GRK5: variants seen among roughly 807,000 people sequenced by gnomAD.
GRK5 encodes the protein g protein-coupled receptor kinase GRK5.
Under a neutral mutation model 78.4 loss-of-function variants are expected in GRK5, and 40 were observed. The ratio of observed to expected loss-of-function variants is 0.51; its 90% CI spans 0.40 to 0.66. GRK5 has a LOEUF of 0.66. GRK5 is among the 30% of genes least tolerant of loss of function. The probability of loss-of-function intolerance (pLI) is 0.00; values close to 1 mark genes in which losing one functional copy is unlikely to be tolerated. For missense variants in GRK5, 598 were observed against 759.9 expected (o/e 0.79, Z 2.50); for synonymous variants, 289 against 296.8 (o/e 0.97, Z 0.27).
chr10:119,399,713 C>G (rs1852116511), intron 4 of GRK5, among the ~76,000 whole-genome samples: 1 of 152,186 alleles, frequency 6.6e-6, no homozygotes, highest in South Asian at 2.1e-4. Flanking sequence ...TAACTGTTAC[C>G]AAAGCATTTC....
intron 9 of GRK5, among the ~76,000 whole-genome samples, chr10:119,439,048 G>A (rs1589811094): frequency 6.6e-6 from 1 of 152,324 alleles, no homozygotes; most frequent in East Asian, 1.9e-4. Context: ...TCTCCTCTTG[G>A]CTGTTCTTTT....
At chr10:119,385,580 CGGT>C (rs1485936153) in intron 3 of GRK5, among the ~76,000 whole-genome samples, 1 of 152,060 alleles carries the variant, frequency 6.6e-6, no homozygotes, top group East Asian at 1.9e-4. Flanking sequence ...TAGCCCCTGG[CGGT>C]GGTGAGAAGT....
chr10:119,435,685 C>T (rs1436433409), intron 8 of GRK5, among the ~76,000 whole-genome samples: 1 of 152,234 alleles, frequency 6.6e-6, no homozygotes, highest in Admixed American at 6.5e-5. Context: ...ATTTTCCTAT[C>T]TTCTGAGCCC....
In GRK5 at chr10:119,395,665, G is replaced by A. The variant is rs530472754; in HGVS notation, c.262-1030G>A. Among the ~76,000 whole-genome samples, 24 of 152,308 alleles carry A rather than the reference G, an allele frequency of 1.6e-4. 1 individual carries two copies. The highest frequency in any genetic ancestry group is 2.4e-4 in the African/African-American group (10 of 41,564). On this transcript the variant is annotated intron_variant, in intron 3 of 15. Coordinates refer to ENST00000392870, the MANE Select transcript of GRK5 (RefSeq NM_005308.3). ...GGCCCTTTATCCATGTGGCGAGTGCGTCAGATGTGAGCGAAGGAGCCCCTC... is the reference window on the plus strand; with the variant it reads ...GGCCCTTTATCCATGTGGCGAGTGCATCAGATGTGAGCGAAGGAGCCCCTC...
In GRK5 at chr10:119,380,898, G is replaced by GGC; in HGVS notation, c.232_233insGC (p.Glu78GlyfsTer30). Reference sequence around the variant, plus strand: ...GTTTTGTGAAACCAGGCCTGGGCTGGAGTGTTACATTCAGTTCCTGGACTC... The same window carrying GGC: ...GTTTTGTGAAACCAGGCCTGGGCTGGGCAGTGTTACATTCAGTTCCTGGACTC... On this transcript the variant is annotated frameshift_variant, in exon 3 of 16. Coordinates refer to ENST00000392870, the MANE Select transcript of GRK5 (RefSeq NM_005308.3). LOFTEE classifies it high-confidence loss of function. The GGC allele has an allele frequency of 6.2e-7, 1 of 1,613,108 alleles. No individual in the cohort carries two copies. Among genetic ancestry groups the GGC allele is most frequent in the South Asian group, 1.1e-5 (1 of 91,048 alleles).
At chr10:119,260,840 A>T (rs1849370860) in intron 1 of GRK5, among the ~76,000 whole-genome samples, 1 of 151,820 alleles carries the variant, frequency 6.6e-6, no homozygotes, top group African/African-American at 2.4e-5. Flanking sequence ...CCGATTTCTC[A>T]ATCTTTTCCC....
At chr10:119,285,605 T>C (rs924590049) in intron 1 of GRK5, among the ~76,000 whole-genome samples, 1 of 152,196 alleles carries the variant, frequency 6.6e-6, no homozygotes, top group Non-Finnish European at 1.5e-5. Context: ...ATGGTTGCTG[T>C]GTGAACCATC....
intron 2 of GRK5, among the ~76,000 whole-genome samples, chr10:119,373,207 GAAAAGCACTGCTTTAA>G (rs1258081670): frequency 1.3e-4 from 20 of 152,318 alleles, no homozygotes; most frequent in African/African-American, 4.3e-4. Flanking sequence ...TAGATAGCTG[GAAAAGCACTGCTTTAA>G]ACTGGAGAGT....
intron 1 of GRK5, among the ~76,000 whole-genome samples, chr10:119,323,111 G>A (rs1850613658): frequency 6.6e-6 from 1 of 152,198 alleles, no homozygotes; most frequent in African/African-American, 2.4e-5. Flanking sequence ...TCACAGACAT[G>A]GAGTGTAGGA....
intron 1 of GRK5, among the ~76,000 whole-genome samples, chr10:119,256,092 G>C (rs1213698589): frequency 1.3e-5 from 2 of 152,046 alleles, no homozygotes; most frequent in African/African-American, 4.8e-5. Context: ...AGAAGACACC[G>C]AGACTTGGTA....
chr10:119,419,708 C>T (rs945624559), intron 4 of GRK5, among the ~76,000 whole-genome samples: 1 of 152,240 alleles, frequency 6.6e-6, no homozygotes, highest in Non-Finnish European at 1.5e-5. Context: ...GGACAATCCC[C>T]TTCTCCCATC....
chr10:119,443,935 G>A (rs948062290), intron 12 of GRK5, among the ~76,000 whole-genome samples, 183 bp downstream of exon 12: 21 of 152,094 alleles, frequency 1.4e-4, no homozygotes, highest in African/African-American at 4.8e-4. Context: ...GGTGGTCAGC[G>A]GAGACTTCCA....
chr10:119,429,300 T>C (rs571210663), intron 6 of GRK5, among the ~76,000 whole-genome samples: 137 of 152,118 alleles, frequency 9.0e-4, no homozygotes, highest in African/African-American at 3.0e-3. Flanking sequence ...ACTCATTCGT[T>C]CAAGAGCTGC....
chr10:119,381,207 G>A (rs1366497954), intron 3 of GRK5, among the ~76,000 whole-genome samples: 1 of 152,230 alleles, frequency 6.6e-6, no homozygotes, highest in South Asian at 2.1e-4. Context: ...GGAAGCCTGG[G>A]TTATTATGGG....
rs1324149732 is a variant in GRK5, at chr10:119,394,429, C to T, written c.262-2266C>T. On this transcript the variant is annotated intron_variant, in intron 3 of 15. Coordinates refer to ENST00000392870, the MANE Select transcript of GRK5 (RefSeq NM_005308.3). ...GCATGTGTGTGGGGGTGTGTGGGTA[C>T]GTGTATGGGTGTGTGTATCTGCTTA... 6.4e-4 allele frequency among the ~76,000 whole-genome samples: 7 copies of T among 10,980 alleles called. 1 individual carries two copies. Among genetic ancestry groups the T allele is most frequent in the Admixed American group, 9.4e-4 (1 of 1,066 alleles). 7.2% of individuals were successfully genotyped at this position (10,980 alleles called of 152,430 possible).
chr10:119,358,932 C>T (rs1851311728), intron 2 of GRK5, among the ~76,000 whole-genome samples: 1 of 152,172 alleles, frequency 6.6e-6, no homozygotes, highest in Non-Finnish European at 1.5e-5. Context: ...GTCTCTTCCT[C>T]TCCTCCTAAG....
chr10:119,429,556 T>G (rs1852774561), intron 6 of GRK5, among the ~76,000 whole-genome samples: 2 of 150,118 alleles, frequency 1.3e-5, no homozygotes, highest in South Asian at 4.3e-4. Context: ...ACCATGTCTT[T>G]GCTTAGTCCA....
At position 119,412,575 on chromosome 10, in the gene GRK5, T is replaced by C. The variant is rs1852368084; in HGVS notation, c.340-10591T>C. ...TTGTCTGGGGCTTGTGGATCACGTC[T>C]CCTGCCTGGCCATGGACAGAGAAAG... is the stretch of plus-strand genomic sequence containing the variant. On this transcript the variant is annotated intron_variant, in intron 4 of 15. Transcript: ENST00000392870. This position sits in a 1 kb window ranked among gnomAD's most constrained non-coding sequence, Gnocchi z 4.3. Among the ~76,000 whole-genome samples the C allele has an allele frequency of 6.6e-6, 1 of 152,160 alleles. No individual in the cohort carries two copies. Among genetic ancestry groups the C allele is most frequent in the Non-Finnish European group, 1.5e-5 (1 of 68,008 alleles).
rs536423165 is a variant in GRK5 at position 119,429,456 on chromosome 10, G to A, written c.534-919G>A. ...TGGAGAGCCAAGAGCCAATTTTCAC[G>A]TTTTAAGCTGATTATTTGTAGCCAA... On this transcript the variant is annotated intron_variant, in intron 6 of 15. Coordinates refer to ENST00000392870, the MANE Select transcript of GRK5 (RefSeq NM_005308.3). 7.7e-4 allele frequency among the ~76,000 whole-genome samples: 116 copies of A among 151,390 alleles called. No individual in the cohort carries two copies. The Middle Eastern group carries it at 0.014, about 18-fold the overall frequency.
Sources: gnomAD v4.1 joint callset for allele counts (sites outside exome capture counted in the v4.1 genomes callset) on GRCh38, gnomAD v4.1.1 for gene constraint, Gnocchi (gnomAD v3.1) non-coding constraint, MANE v1.5 for transcripts, NCBI Gene and HGNC (gene_info 2026-07-23, HGNC 2026-07-21) for gene names.